The following BCL7A variants were observed in gnomAD, a reference collection of about 807,000 sequenced individuals.
The protein encoded by BCL7A is B-cell CLL/lymphoma 7 protein family member A.
BCL7A carries 11 observed loss-of-function variants against 28.4 expected under a neutral mutation model. That is an observed-to-expected ratio of 0.39 (90% CI 0.24 to 0.64). The LOEUF (loss-of-function observed/expected upper bound fraction) is 0.64. Ranked by LOEUF, BCL7A falls within the 30% of genes least tolerant of loss-of-function variation. BCL7A has a pLI of 0.50. For synonymous variants in BCL7A, 123 were observed against 103.3 expected (o/e 1.19, Z -1.15); for missense variants, 222 against 274.8 (o/e 0.81, Z 1.36).
At chr12:122,041,167 G>C (rs980835909) in intron 3 of BCL7A, among the ~76,000 whole-genome samples, 1 of 152,170 alleles carries the variant, frequency 6.6e-6, no homozygotes, top group Non-Finnish European at 1.5e-5. Flanking sequence ...GTAGAGGAGG[G>C]GCGTGGGGCT....
intron 1 of BCL7A, among the ~76,000 whole-genome samples, chr12:122,024,405 T>C (rs1883565078): frequency 6.6e-6 from 1 of 151,822 alleles, no homozygotes; most frequent in African/African-American, 2.4e-5. Flanking sequence ...GAGCTGTTGC[T>C]CAGTGTTGTC....
chr12:122,022,633 G>GGCC (rs958771862), intron 1 of BCL7A, among the ~76,000 whole-genome samples: 4 of 145,912 alleles, frequency 2.7e-5, no homozygotes, highest in Non-Finnish European at 4.6e-5. Context: ...GCTCCGAGCG[G>GGCC]GCCGCCGCCG....
chr12:122,025,476 A>T (rs544899883), intron 1 of BCL7A, among the ~76,000 whole-genome samples: 1 of 151,578 alleles, frequency 6.6e-6, no homozygotes, highest in African/African-American at 2.4e-5. Context: ...AATACAAAAA[A>T]ATTAGCCAGG....
intron 3 of BCL7A, among the ~76,000 whole-genome samples, chr12:122,040,532 C>CAAAA (rs1021397193): frequency 3.3e-5 from 2 of 59,752 alleles, no homozygotes; most frequent in Non-Finnish European, 6.8e-5. Context: ...GCCGTGTCTC[C>CAAAA]AAAAAAAAAA....
chr12:122,054,210 G>A (rs1310765521), intron 4 of BCL7A, among the ~76,000 whole-genome samples: 1 of 151,964 alleles, frequency 6.6e-6, no homozygotes, highest in African/African-American at 2.4e-5. Flanking sequence ...TCAGCCTCCC[G>A]AGTAGGTGGG....
intron 1 of BCL7A, among the ~76,000 whole-genome samples, chr12:122,022,673 G>T (rs1883493230): frequency 6.8e-6 from 1 of 146,344 alleles, no homozygotes; most frequent in Admixed American, 6.8e-5. Context: ...CCCGGCCCGC[G>T]CCCCGCCGCC....
intron 3 of BCL7A, among the ~76,000 whole-genome samples, chr12:122,036,331 A>G (rs1376738029): frequency 1.3e-5 from 2 of 152,136 alleles, no homozygotes; most frequent in Admixed American, 1.3e-4. Flanking sequence ...CAGGAGTTCA[A>G]GGCTGCAGTG....
chr12:122,025,996 A>G (rs1169092), intron 1 of BCL7A, among the ~76,000 whole-genome samples: 129,491 of 147,278 alleles, frequency 0.88, 57,109 homozygotes, highest in African/African-American at 0.95. Context: ...AAGGCCGGGC[A>G]CGTTGGCTCA....
Position 122,033,409 on chromosome 12 carries a change from G to A in BCL7A, c.175-1922G>A, listed in dbSNP as rs150817299. On this transcript the variant is annotated intron_variant, in intron 2 of 5. Coordinates refer to ENST00000261822, the MANE Select transcript of BCL7A (RefSeq NM_001024808.3). ...GCTCACTGCAACCTCCACCTCCCGGGTTCAAGCAATTCTTCTGCCTCAGCC... is the reference window on the plus strand; with the variant it reads ...GCTCACTGCAACCTCCACCTCCCGGATTCAAGCAATTCTTCTGCCTCAGCC... Among the ~76,000 whole-genome samples, 519 of 152,218 alleles carry A rather than the reference G, an allele frequency of 3.4e-3. 3 individuals carry two copies. Among genetic ancestry groups the A allele is most frequent in the African/African-American group, 0.012 (481 of 41,510 alleles).
At chr12:122,040,959 G>A (rs1316786004) in intron 3 of BCL7A, among the ~76,000 whole-genome samples, 4 of 152,118 alleles carry the variant, frequency 2.6e-5, no homozygotes, top group Non-Finnish European at 5.9e-5. Flanking sequence ...TCTTGCGCGT[G>A]TGCTTGCCAT....
At chr12:122,044,596 G>A (rs1438057622) in intron 4 of BCL7A, among the ~76,000 whole-genome samples, 1 of 152,156 alleles carries the variant, frequency 6.6e-6, no homozygotes, top group African/African-American at 2.4e-5. Context: ...GCTGAAGCAG[G>A]AGGATCACTT....
chr12:122,035,514 T>C (rs369103715), intron 3 of BCL7A, 87 bp downstream of exon 3: 4 of 1,271,074 alleles, frequency 3.1e-6, no homozygotes, highest in African/African-American at 3.0e-5. Context: ...TCCAGCAGGT[T>C]TGTTCACATT....
intron 4 of BCL7A, among the ~76,000 whole-genome samples, chr12:122,044,545 A>T (rs1884032471): frequency 2.0e-5 from 3 of 151,892 alleles, no homozygotes; most frequent in Admixed American, 6.6e-5. Flanking sequence ...ACAATTGGCC[A>T]GGCATGGTGG....
intron 3 of BCL7A, among the ~76,000 whole-genome samples, chr12:122,039,319 AAAT>A (rs1349218734): frequency 6.8e-6 from 1 of 147,312 alleles, no homozygotes; most frequent in African/African-American, 2.5e-5. Flanking sequence ...TTAAAAAAAA[AAAT>A]AATAATAATA....
chr12:122,041,992 G>A lies in BCL7A; in HGVS notation c.272-1894G>A, dbSNP rs577525728. Among the ~76,000 whole-genome samples, 31 of 152,184 alleles carry A rather than the reference G, an allele frequency of 2.0e-4. No individual in the cohort carries two copies. The South Asian group carries it at 5.6e-3, about 28-fold the overall frequency. On this transcript the variant is annotated intron_variant, in intron 3 of 5. Transcript: ENST00000261822. ...CCTGGGAGGCTGAGGCATGAGAATC[G>A]CTTGAACCAGGAGGTGGAGATTATA...
In BCL7A at chr12:122,059,424, C is replaced by T; in HGVS notation, c.*261C>T. 1.0e-5 allele frequency: 4 copies of T among 390,940 alleles called. No individual in the cohort carries two copies. The highest frequency in any genetic ancestry group is 1.9e-5 in the Non-Finnish European group (4 of 212,862). The allele number at this position is 390,940 out of a possible 1,614,324, so 24.2% of individuals were successfully genotyped here. A position where few individuals can be genotyped will look rare whatever the true frequency, so the allele number is the denominator to read the frequency against. On this transcript the variant is annotated 3_prime_UTR_variant, in exon 6 of 6. Coordinates refer to ENST00000261822, the MANE Select transcript of BCL7A (RefSeq NM_001024808.3). The surrounding 1 kb of genome is among the most constrained non-coding windows in gnomAD (Gnocchi z 4.0). ...GGCTGACAGCTCAGGAGTGTCTGCA[C>T]ACTGTCTCGGAAGCCAGGATTCCAT... is the stretch of plus-strand genomic sequence containing the variant.
chr12:122,053,581 G>A (rs1565942770), intron 4 of BCL7A, among the ~76,000 whole-genome samples: 1 of 152,052 alleles, frequency 6.6e-6, no homozygotes, highest in Non-Finnish European at 1.5e-5. Flanking sequence ...CATGGTGTCC[G>A]GGCCTCGGGT....
intron 4 of BCL7A, among the ~76,000 whole-genome samples, chr12:122,052,585 T>C (rs1241827611): frequency 6.6e-6 from 1 of 152,222 alleles, no homozygotes; most frequent in Non-Finnish European, 1.5e-5. Flanking sequence ...TTCTGGACTT[T>C]TCATATAAAT....
chr12:122,030,760 G>A lies in BCL7A; in HGVS notation c.153G>A (p.Val51=). The change falls in exon 2 of 6, where the codon GTG becomes GTA. Residue 51 remains valine (V), a synonymous_variant. Coordinates refer to ENST00000261822, the MANE Select transcript of BCL7A (RefSeq NM_001024808.3). ...TACGAATCTACAAATGGGTCCCTGT[G>A]ACGGAGCCCAAGGTTGATGACGTGA... ...TSLRIYKWVP[V]TEPKVDDKNK... is the part of the protein sequence containing the mutation. 6.2e-7 allele frequency: 1 copy of A among 1,614,120 alleles called. No individual in the cohort carries two copies. The highest frequency in any genetic ancestry group is 8.5e-7 in the Non-Finnish European group (1 of 1,179,978).
Sources: gnomAD v4.1 joint callset for allele counts (sites outside exome capture counted in the v4.1 genomes callset) on GRCh38, gnomAD v4.1.1 for gene constraint, Gnocchi (gnomAD v3.1) non-coding constraint, MANE v1.5 for transcripts, NCBI Gene and HGNC (gene_info 2026-07-23, HGNC 2026-07-21) for gene names.